The following PSMD5 variants were observed in gnomAD, a reference collection of about 807,000 sequenced individuals.
PSMD5 encodes the protein proteasome 26S subunit, non-ATPase 5, also known as 26S proteasome non-ATPase regulatory subunit 5.
A neutral mutation model predicts 52.1 loss-of-function variants in PSMD5; 40 were observed. That is an observed-to-expected ratio of 0.77 (90% confidence interval 0.60 to 1.00). The LOEUF is 1.00. PSMD5 is among the 50% of genes least tolerant of loss of function. PSMD5 has a pLI of 0.00. For missense variants in PSMD5, 575 were observed against 605.2 expected, an observed-to-expected ratio of 0.95 and a Z score of 0.52; for synonymous variants, 211 against 226.6, an observed-to-expected ratio of 0.93 and a Z score of 0.62.
intron 1 of PSMD5, among the ~76,000 whole-genome samples, chr9:120,841,614 CACAG>C (rs1239930253): frequency 6.6e-6 from 1 of 151,994 alleles, no homozygotes; most frequent in Non-Finnish European, 1.5e-5. Context: ...CAAAACAAAA[CACAG>C]AGATCTTTCC....
chr9:120,824,361 A>G, intron 7 of PSMD5, 133 bp downstream of exon 7: 3 of 867,482 alleles, frequency 3.5e-6, no homozygotes, highest in Non-Finnish European at 5.8e-6. Flanking sequence ...ACATGAGTAC[A>G]AGGTCATGGT....
intron 4 of PSMD5, among the ~76,000 whole-genome samples, chr9:120,830,696 C>T (rs1371410563): frequency 1.3e-5 from 2 of 152,028 alleles, no homozygotes; most frequent in Non-Finnish European, 2.9e-5. Context: ...TCAATTGCTC[C>T]ATCAATATGA....
intron 1 of PSMD5, among the ~76,000 whole-genome samples, chr9:120,837,810 C>T (rs2045208504): frequency 6.6e-6 from 1 of 152,178 alleles, no homozygotes; most frequent in Admixed American, 6.5e-5. Context: ...TGAATGCTCA[C>T]GGCACTGTCA....
At chr9:120,839,851 C>A (rs1021128871) in intron 1 of PSMD5, among the ~76,000 whole-genome samples, 5 of 125,280 alleles carry the variant, frequency 4.0e-5, no homozygotes, top group African/African-American at 1.5e-4. Context: ...CGCAGTGGCT[C>A]ATGCCTGTAA....
intron 6 of PSMD5, 31 bp downstream of exon 6, chr9:120,826,734 C>A: frequency 6.2e-7 from 1 of 1,605,276 alleles, no homozygotes; most frequent in Admixed American, 1.7e-5. Flanking sequence ...AAACACGCAC[C>A]ATCATTTCCA....
chr9:120,840,431 TTTA>T (rs990432135), intron 1 of PSMD5, among the ~76,000 whole-genome samples: 8 of 149,940 alleles, frequency 5.3e-5, no homozygotes, highest in African/African-American at 7.3e-5. Flanking sequence ...ACAAAGTGTT[TTTA>T]TTATTATTAT....
At chr9:120,826,982 G>A in intron 5 of PSMD5, 75 bp from the exon 6 acceptor site, 1 of 1,375,760 alleles carries the variant, frequency 7.3e-7, no homozygotes. Flanking sequence ...TCTCATACAG[G>A]TTATCTTATT....
chr9:120,833,558 A>T (rs1173217394), intron 1 of PSMD5, 102 bp from the exon 2 acceptor site: 2 of 1,251,578 alleles, frequency 1.6e-6, no homozygotes, highest in Non-Finnish European at 2.2e-6. Flanking sequence ...CTCCACACAG[A>T]CTTCTTTTTG....
intron 7 of PSMD5, among the ~76,000 whole-genome samples, chr9:120,822,116 GT>G (rs572568972): frequency 5.3e-5 from 8 of 151,382 alleles, no homozygotes; most frequent in East Asian, 1.9e-4. Context: ...TATTTTATGG[GT>G]TTTTTTTTAA....
At chr9:120,838,151 G>A (rs2045210730) in intron 1 of PSMD5, among the ~76,000 whole-genome samples, 1 of 152,232 alleles carries the variant, frequency 6.6e-6, no homozygotes, top group East Asian at 1.9e-4. Context: ...GTATGAGGGA[G>A]CCTCTGGGAG....
chr9:120,826,520 T>C lies in PSMD5; in HGVS notation c.814+245A>G, dbSNP rs147503687. On this transcript the variant is annotated intron_variant, in intron 6 of 9. Coordinates refer to ENST00000210313, the MANE Select transcript of PSMD5 (RefSeq NM_005047.4). ...AGTATATCTTATTTATTGATTTGTA[T>C]ATGCTGAACCCTCCCTGCATCCATA... 9.6e-4 allele frequency: 399 copies of C among 415,962 alleles called. 2 individuals are homozygous for C. The highest frequency in any genetic ancestry group is 6.2e-4 in the Middle Eastern group (1 of 1,602). 25.8% of individuals were successfully genotyped at this position (415,962 alleles called of 1,614,324 possible).
chr9:120,822,139 T>A (rs1425989586), intron 7 of PSMD5, among the ~76,000 whole-genome samples: 1 of 152,186 alleles, frequency 6.6e-6, no homozygotes, highest in Non-Finnish European at 1.5e-5. Context: ...GTAATAGCCA[T>A]CCTAATGGAT....
intron 5 of PSMD5, 152 bp downstream of exon 5, chr9:120,828,947 C>A: frequency 8.8e-7 from 1 of 1,142,080 alleles, no homozygotes; most frequent in Non-Finnish European, 1.1e-6. Context: ...GTAACTTGAA[C>A]AATTTTCTAA....
chr9:120,825,488 C>T (rs1482610608), intron 6 of PSMD5, among the ~76,000 whole-genome samples: 2 of 152,092 alleles, frequency 1.3e-5, no homozygotes, highest in Non-Finnish European at 2.9e-5. Flanking sequence ...AGGGAATGCA[C>T]TGAATCTATA....
rs761837817 is a variant in PSMD5, at chr9:120,824,634, A to G, written c.866T>C (p.Ile289Thr). ...CACAAAGATAGGATAACGCTCACAGATCTGTTGAGGACTATCCATGACAGC... is the reference window on the plus strand; with the variant it reads ...CACAAAGATAGGATAACGCTCACAGGTCTGTTGAGGACTATCCATGACAGC... ...NLAVMDSPQQ[I>T]CERYPIFVEK... The change falls in exon 7 of 10, where the codon ATC (isoleucine) becomes ACC (threonine). Residue 289 changes from isoleucine to threonine, a missense_variant. By Grantham distance (89) the Ile-to-Thr change is moderately conservative. Coordinates refer to ENST00000210313, the MANE Select transcript of PSMD5 (RefSeq NM_005047.4). 14 of 1,614,084 alleles carry G rather than the reference A, an allele frequency of 8.7e-6. No homozygotes were observed. The highest frequency in any genetic ancestry group is 1.2e-5 in the Non-Finnish European group (14 of 1,180,042).
chr9:120,838,260 T>C lies in PSMD5; in HGVS notation c.173+4477A>G, dbSNP rs1041037633. 2.6e-5 allele frequency among the ~76,000 whole-genome samples: 4 copies of C among 152,246 alleles called. No individual in the cohort carries two copies. In the East Asian group the frequency reaches 5.8e-4, roughly 22 times the overall value. On this transcript the variant is annotated intron_variant, in intron 1 of 9. Coordinates refer to ENST00000210313, the MANE Select transcript of PSMD5 (RefSeq NM_005047.4). ...TGTACGTTTTATTAAGTGCAGTTCATTGTATATAAATTATACCTTTGAAAG... is the reference window on the plus strand; with the variant it reads ...TGTACGTTTTATTAAGTGCAGTTCACTGTATATAAATTATACCTTTGAAAG...
chr9:120,827,102 T>C lies in PSMD5; in HGVS notation c.672-195A>G, dbSNP rs1286676480. 2.6e-5 allele frequency among the ~76,000 whole-genome samples: 4 copies of C among 152,376 alleles called. No individual in the cohort carries two copies. The East Asian group carries it at 7.7e-4, about 29-fold the overall frequency. On this transcript the variant is annotated intron_variant, in intron 5 of 9. Coordinates refer to ENST00000210313, the MANE Select transcript of PSMD5 (RefSeq NM_005047.4). ...CTTCTCTGTAATCATATTGTTATTA[T>C]AGGCAGAGTTTAGATTTAAATCTTG...
intron 7 of PSMD5, among the ~76,000 whole-genome samples, chr9:120,823,038 T>C (rs1209844230): frequency 2.0e-5 from 3 of 151,478 alleles, no homozygotes; most frequent in African/African-American, 7.3e-5. Context: ...CTTGAATTCC[T>C]GGGCTCAAAC....
intron 1 of PSMD5, chr9:120,841,859 C>T (rs958513025): frequency 5.3e-5 from 8 of 152,184 alleles, no homozygotes; most frequent in East Asian, 1.9e-4. Flanking sequence ...TGATTGCTCT[C>T]TGACCTAGCC....
Sources: gnomAD v4.1 joint callset for allele counts (sites outside exome capture counted in the v4.1 genomes callset) on GRCh38, gnomAD v4.1.1 for gene constraint, MANE v1.5 for transcripts, NCBI Gene and HGNC (gene_info 2026-07-23, HGNC 2026-07-21) for gene names.